PPCS: variants seen among roughly 807,000 people sequenced by gnomAD.
PPCS encodes the protein phosphopantothenoylcysteine synthetase.
PPCS carries 17 observed loss-of-function variants against 24.6 expected under a neutral mutation model. The observed-to-expected ratio is 0.69, with a 90% CI of 0.47 to 1.04. The LOEUF (loss-of-function observed/expected upper bound fraction) is 1.04. Among genes scored for constraint, PPCS ranks in the 50% least tolerant of loss-of-function variants. The pLI is 0.00. For synonymous variants in PPCS, 190 were observed against 168.3 expected (o/e 1.13, Z -1.00); for missense variants, 360 against 402.8 (o/e 0.89, Z 0.91).
Position 42,460,369 on chromosome 1 carries a change from T to A in PPCS, c.*443T>A, listed in dbSNP as rs1643378048. 1 of 987,436 alleles carries A rather than the reference T, an allele frequency of 1.0e-6. No homozygotes were observed. The highest frequency in any genetic ancestry group is 1.2e-6 in the Non-Finnish European group (1 of 830,966). The allele number at this position is 987,436 out of a possible 1,614,324, so 61.2% of individuals were successfully genotyped here. A position where few individuals can be genotyped will look rare whatever the true frequency, so the allele number is the denominator to read the frequency against. On this transcript the variant is annotated 3_prime_UTR_variant, in exon 3 of 3. Transcript: ENST00000372561. ...TTTAGGAAATGGATGTATAAAAAAA[T>A]CAAGTGCAATAAAGTGTGTGTCCAA...
At chr1:42,469,948 A>G (rs1303217750) in intron 2 of PPCS, among the ~76,000 whole-genome samples, 1 of 152,220 alleles carries the variant, frequency 6.6e-6, no homozygotes, top group Non-Finnish European at 1.5e-5. Flanking sequence ...GGCTCAGACC[A>G]GAGGCCATGA....
Position 42,459,750 on chromosome 1 carries a change from G to T in PPCS, c.760G>T (p.Val254Leu). The T allele has an allele frequency of 6.2e-7, 1 of 1,614,222 alleles. No homozygotes were observed. Among genetic ancestry groups the T allele is most frequent in the Non-Finnish European group, 8.5e-7 (1 of 1,180,040 alleles). ...GGCTTTGGAAATTTATCAGCATCAA[G>T]TGGTGGTGGCTAATATCCTTGAGTC... Reference protein sequence around the residue: ...RKALEIYQHQVVVANILESRQ... With the variant: ...RKALEIYQHQLVVANILESRQ... The change falls in exon 3 of 3, where the codon GTG (valine) becomes TTG (leucine). Residue 254 changes from valine (V) to leucine (L), a missense_variant. Val to Leu is a conservative substitution (Grantham distance 32). Around this residue, in one of 2 missense-constraint regions of PPCS, gnomAD observed 116 missense variants for 168.1 expected, o/e 0.69. Transcript: ENST00000372561.
At chr1:42,464,462 G>A (rs1457834417), downstream of PPCS, among the ~76,000 whole-genome samples, 1 of 152,156 alleles carries the variant, frequency 6.6e-6, no homozygotes, top group Non-Finnish European at 1.5e-5. Flanking sequence ...TTCTGGAGAG[G>A]AGATGATTGA....
At chr1:42,461,797 G>C (rs1467653240), downstream of PPCS, among the ~76,000 whole-genome samples, 2 of 151,956 alleles carry the variant, frequency 1.3e-5, no homozygotes, top group African/African-American at 4.8e-5. Flanking sequence ...TGCCCGCCCC[G>C]GCCTTCCAAA....
rs759381223 is a variant in PPCS at position 42,456,581 on chromosome 1, C to A, written c.16C>A (p.Pro6Thr). 2.7e-6 allele frequency: 4 copies of A among 1,489,000 alleles called. No individual in the cohort carries two copies. In the Admixed American group the frequency reaches 1.0e-4, roughly 38 times the overall value. 92.2% of individuals were successfully genotyped at this position (1,489,000 alleles called of 1,614,324 possible). A position where few individuals can be genotyped will look rare whatever the true frequency, so the allele number is the denominator to read the frequency against. The change falls in exon 1 of 3, where the codon CCG (proline) becomes ACG (threonine). Residue 6 changes from proline (P) to threonine (T), a missense_variant. Pro to Thr is a conservative substitution (Grantham distance 38, BLOSUM62 -1). This residue lies in a region of PPCS where 244 missense variants were observed against 234.7 expected (regional missense o/e 1.04). Coordinates refer to ENST00000372561, the MANE Select transcript of PPCS (RefSeq NM_024664.4). MAEMD[P>T]VAEFPQPPGA... ...TGCGCTGCAGATGGCGGAAATGGAT[C>A]CGGTAGCCGAGTTCCCCCAGCCTCC...
At chr1:42,461,569 C>T (rs149207033), downstream of PPCS, among the ~76,000 whole-genome samples, 1,087 of 140,618 alleles carry the variant, frequency 7.7e-3, 16 homozygotes, top group African/African-American at 0.027. Context: ...TTTTTTTGAG[C>T]GGAGTCTTGC....
intron 2 of PPCS, 75 bp from the exon 3 acceptor site, chr1:42,459,528 C>T: frequency 8.1e-7 from 1 of 1,240,762 alleles, no homozygotes. Context: ...AATTTAATTC[C>T]TTAGTTTCCC....
rs1643402211 is a variant in PPCS at position 42,461,209 on chromosome 1, A to C, written c.*1283A>C. On this transcript the variant is annotated 3_prime_UTR_variant, in exon 3 of 3. Coordinates refer to ENST00000372561, the MANE Select transcript of PPCS (RefSeq NM_024664.4). ...GTCTGTCTGATAATAGAAGTACAATAAATTTAATTGAGAAGATTTGACAGA... is the reference window on the plus strand; with the variant it reads ...GTCTGTCTGATAATAGAAGTACAATCAATTTAATTGAGAAGATTTGACAGA... Among the ~76,000 whole-genome samples the C allele has an allele frequency of 1.3e-5, 2 of 152,234 alleles. No homozygotes were observed. Among genetic ancestry groups the C allele is most frequent in the South Asian group, 4.1e-4 (2 of 4,826 alleles).
chr1:42,469,116 C>T (rs1261628406), intron 2 of PPCS, among the ~76,000 whole-genome samples: 4 of 152,108 alleles, frequency 2.6e-5, no homozygotes, highest in East Asian at 1.9e-4. Context: ...CAGTGGCTCA[C>T]GCCTGTAATC....
chr1:42,459,540 T>G, intron 2 of PPCS, 63 bp from the exon 3 acceptor site: 85 of 1,329,530 alleles, frequency 6.4e-5, no homozygotes, highest in Middle Eastern at 1.9e-4. Context: ...TAGTTTCCCA[T>G]GAGATTGACC....
chr1:42,471,686 G>A (rs527663773), intron 2 of PPCS, among the ~76,000 whole-genome samples: 15 of 152,170 alleles, frequency 9.9e-5, no homozygotes, highest in African/African-American at 3.4e-4. Context: ...GAAGGAGGTC[G>A]GGGGAACAGA....
rs1211739013 is a variant in PPCS, at chr1:42,456,812, T to C, written c.247T>C (p.Leu83=). Residue 83 remains leucine (L), a synonymous_variant, in exon 1 of 3, where the codon TTG becomes CTG. Transcript: ENST00000372561. ...AGCCGCCGGCTACGGGGTCCTGTTC[T>C]TGTATCGCGCTCGCTCTGCCTTCCC... ...FLAAGYGVLF[L]YRARSAFPYA... The C allele has an allele frequency of 2.5e-6, 4 of 1,613,318 alleles. No individual in the cohort carries two copies. The African/African-American group carries it at 5.3e-5, about 22-fold the overall frequency.
intron 2 of PPCS, among the ~76,000 whole-genome samples, chr1:42,457,880 A>G (rs1643275772): frequency 6.7e-6 from 1 of 149,672 alleles, no homozygotes; most frequent in African/African-American, 2.5e-5. Flanking sequence ...GCTTGAAACC[A>G]GGAGGCGGAG....
chr1:42,461,496 T>C (rs1643409621), downstream of PPCS, among the ~76,000 whole-genome samples: 1 of 151,432 alleles, frequency 6.6e-6, no homozygotes, highest in Non-Finnish European at 1.5e-5. Flanking sequence ...CCACCATGCC[T>C]GGCTAAATAT....
rs1377109050 is a variant in PPCS at position 42,456,949 on chromosome 1, T to C, written c.384T>C (p.Phe128=). The change falls in exon 1 of 3, where the codon TTT becomes TTC. Residue 128 remains phenylalanine, a synonymous_variant. Coordinates refer to ENST00000372561, the MANE Select transcript of PPCS (RefSeq NM_024664.4). ...CCGAGGAGAATGCACTTCCGGGTTT[T>C]GCTGAGGCTCTGAGGAGCTACCAGG... ...LEAEENALPG[F]AEALRSYQEA... 2 of 1,605,954 alleles carry C rather than the reference T, an allele frequency of 1.2e-6. No homozygotes were observed. Among genetic ancestry groups the C allele is most frequent in the South Asian group, 1.1e-5 (1 of 91,094 alleles).
At chr1:42,472,028 T>G (rs898406724) in intron 2 of PPCS, among the ~76,000 whole-genome samples, 1 of 152,158 alleles carries the variant, frequency 6.6e-6, no homozygotes, top group African/African-American at 2.4e-5. Context: ...GTTAGTGGTT[T>G]TAATCACTTG....
chr1:42,470,657 A>G (rs187481021), intron 2 of PPCS, among the ~76,000 whole-genome samples: 45 of 152,352 alleles, frequency 3.0e-4, no homozygotes, highest in Admixed American at 1.7e-3. Context: ...GCGATACAAC[A>G]TGGATGAATC....
chr1:42,461,287 G>A (rs1643403545), downstream of PPCS, among the ~76,000 whole-genome samples: 1 of 152,170 alleles, frequency 6.6e-6, no homozygotes, highest in Non-Finnish European at 1.5e-5. Flanking sequence ...TTGAACAGAG[G>A]AAAAATACTG....
intron 2 of PPCS, among the ~76,000 whole-genome samples, chr1:42,468,930 TG>T (rs1489904412): frequency 6.6e-6 from 1 of 151,132 alleles, no homozygotes; most frequent in South Asian, 2.1e-4. Flanking sequence ...TTTGAAGGGA[TG>T]GAAGAGGAGG....
Sources: gnomAD v4.1 joint callset for allele counts (sites outside exome capture counted in the v4.1 genomes callset) on GRCh38, gnomAD v4.1.1 for gene constraint, gnomAD v4.1.1 regional missense constraint, MANE v1.5 for transcripts, NCBI Gene and HGNC (gene_info 2026-07-23, HGNC 2026-07-21) for gene names.